MICAL3: variants seen among roughly 807,000 people sequenced by gnomAD.
MICAL3 encodes microtubule associated monooxygenase, calponin and LIM domain containing 3.
MICAL3 carries 62 observed loss-of-function variants against 207.4 expected under a neutral mutation model. The ratio of observed to expected loss-of-function variants is 0.30; its 90% CI spans 0.24 to 0.37. The LOEUF (loss-of-function observed/expected upper bound fraction) is 0.37, where lower values mean the gene tolerates loss of function less well. Among genes scored for constraint, MICAL3 ranks in the 10% least tolerant of loss-of-function variants. MICAL3 has a pLI of 1.00. For missense variants in MICAL3, 2,368 were observed against 2,635.6 expected (o/e 0.90, Z 2.22); for synonymous variants, 1,077 against 1,069.3 (o/e 1.01, Z -0.14).
chr22:17,935,620 A>C (rs988787257), intron 1 of MICAL3, among the ~76,000 whole-genome samples: 1 of 152,250 alleles, frequency 6.6e-6, no homozygotes, highest in Non-Finnish European at 1.5e-5. Flanking sequence ...AGGAAAAGAA[A>C]CTACCATCAG....
chr22:17,820,590 G>A (rs1169425625), intron 25 of MICAL3, among the ~76,000 whole-genome samples: 4 of 152,122 alleles, frequency 2.6e-5, no homozygotes, highest in African/African-American at 7.2e-5. Flanking sequence ...TCCTGACCTC[G>A]TGATCTGCCT....
intron 10 of MICAL3, among the ~76,000 whole-genome samples, chr22:17,894,739 G>A (rs926251532): frequency 1.3e-5 from 2 of 150,136 alleles, no homozygotes; most frequent in Non-Finnish European, 2.9e-5. Flanking sequence ...GGAGGCTGCA[G>A]TGAGCCAAGA....
chr22:17,817,629 C>A lies in MICAL3; in HGVS notation c.5032G>T (p.Asp1678Tyr). Reference protein sequence around the residue: ...TSEEVLSPPSDSGGPDGSFTS... With the variant: ...TSEEVLSPPSYSGGPDGSFTS... ...AAAGAGCCATCTGGGCCCCCTGAGT[C>A]CGACGGCGGGGAGAGGACCTCCTCG... Residue 1678 changes from aspartate to tyrosine, a missense_variant, in exon 26 of 32, where the codon GAC becomes TAC. Around this residue, in one of 4 missense-constraint regions of MICAL3, gnomAD observed 1,770 missense variants for 1,863.2 expected, o/e 0.95. Coordinates refer to ENST00000441493, the MANE Select transcript of MICAL3 (RefSeq NM_015241.3). The A allele has an allele frequency of 6.2e-7, 1 of 1,613,116 alleles. No homozygotes were observed. The highest frequency in any genetic ancestry group is 8.5e-7 in the Non-Finnish European group (1 of 1,179,852).
At chr22:17,950,181 G>A (rs570470884) in intron 1 of MICAL3, among the ~76,000 whole-genome samples, 1 of 126,810 alleles carries the variant, frequency 7.9e-6, no homozygotes, top group Non-Finnish European at 1.6e-5. Flanking sequence ...TTTTTTTGGA[G>A]ACAAGAGTCT....
chr22:17,899,397 G>A, intron 7 of MICAL3, 51 bp downstream of exon 7: 4 of 1,165,658 alleles, frequency 3.4e-6, no homozygotes, highest in South Asian at 1.3e-5. Flanking sequence ...TTCTCTTGGT[G>A]ATATTAACCA....
At chr22:17,921,220 C>G (rs1932793878) in intron 1 of MICAL3, among the ~76,000 whole-genome samples, 1 of 152,192 alleles carries the variant, frequency 6.6e-6, no homozygotes, top group East Asian at 1.9e-4. Flanking sequence ...TATGTTATCT[C>G]ATGTAAAAAG....
intron 1 of MICAL3, chr22:17,980,844 T>C (rs770274716): frequency 1.9e-6 from 1 of 516,632 alleles, no homozygotes; most frequent in East Asian, 5.6e-5. Context: ...TGCTGGCCCG[T>C]CACCCTCAGT....
intron 1 of MICAL3, among the ~76,000 whole-genome samples, chr22:17,992,531 G>A (rs1203388441): frequency 6.6e-6 from 1 of 152,104 alleles, no homozygotes; most frequent in East Asian, 1.9e-4. Context: ...TTACCACGTG[G>A]CACTTACATA....
At chr22:17,799,000 G>T (rs2061908929) in intron 29 of MICAL3, among the ~76,000 whole-genome samples, 1 of 152,158 alleles carries the variant, frequency 6.6e-6, no homozygotes, top group Non-Finnish European at 1.5e-5. Flanking sequence ...TTGAACTCCT[G>T]TCGGAGACAC....
At chr22:17,877,333 T>TGGAGGTTAGGGAGGTTAGGGAGGTTAG (rs1256770924) in intron 16 of MICAL3, among the ~76,000 whole-genome samples, 5 of 11,222 alleles carry the variant, frequency 4.5e-4, no homozygotes, top group Admixed American at 9.8e-4. Context: ...AGGGAGGTTA[T>TGGAGGTTAGGGAGGTTAGGGAGGTTAG]GGAGGTTAGG....
chr22:17,812,118 C>A (rs573093179), intron 27 of MICAL3, among the ~76,000 whole-genome samples: 2 of 152,192 alleles, frequency 1.3e-5, no homozygotes, highest in Non-Finnish European at 2.9e-5. Context: ...AATCTTCACT[C>A]GAAGAGCTCA....
intron 9 of MICAL3, among the ~76,000 whole-genome samples, chr22:17,896,013 A>G (rs558447180): frequency 5.3e-5 from 8 of 152,318 alleles, no homozygotes; most frequent in African/African-American, 1.9e-4. Context: ...CTTCTCTGTC[A>G]GTAAGAAATT....
intron 28 of MICAL3, 99 bp downstream of exon 28, chr22:17,810,604 C>A: frequency 1.0e-6 from 1 of 980,932 alleles, no homozygotes; most frequent in Non-Finnish European, 1.6e-6. Flanking sequence ...CTGCTCTGCT[C>A]TGCACTGTGC....
intron 26 of MICAL3, 97 bp from the exon 27 acceptor site, chr22:17,816,881 G>T (rs1459627439): frequency 1.1e-5 from 10 of 893,948 alleles, no homozygotes; most frequent in Admixed American, 6.5e-5. Flanking sequence ...GAGGCCGGGT[G>T]GGGGGCTGGA....
chr22:17,875,104 A>G (rs978113205), intron 16 of MICAL3: 4 of 160,794 alleles, frequency 2.5e-5, no homozygotes, highest in African/African-American at 9.6e-5. Flanking sequence ...TTTTTAACAC[A>G]TATTATTTTG....
chr22:17,903,272 C>T (rs1288867193), intron 3 of MICAL3, among the ~76,000 whole-genome samples: 1 of 152,238 alleles, frequency 6.6e-6, no homozygotes, highest in East Asian at 1.9e-4. Context: ...CATTCCCCCT[C>T]CCATTCCTGG....
chr22:17,801,148 CTTTTTTTTTTTT>C (rs978301664), intron 29 of MICAL3, among the ~76,000 whole-genome samples: 1 of 91,926 alleles, frequency 1.1e-5, no homozygotes, highest in Non-Finnish European at 2.0e-5. Context: ...TTTCCTTTTT[CTTTTTTTTTTTT>C]TTTTTTTTTT....
chr22:17,853,279 C>T (rs770226186), intron 19 of MICAL3, among the ~76,000 whole-genome samples: 19 of 152,132 alleles, frequency 1.2e-4, no homozygotes, highest in Non-Finnish European at 2.5e-4. Flanking sequence ...ACAGCTGGCA[C>T]GCAACGAAGG....
In MICAL3 at chr22:17,889,113, C is replaced by A. The variant is rs756945119; in HGVS notation, c.1812G>T (p.Val604=). 1.4e-5 allele frequency: 23 copies of A among 1,613,726 alleles called. No homozygotes were observed. Among genetic ancestry groups the A allele is most frequent in the East Asian group, 4.5e-5 (2 of 44,892 alleles). The change falls in exon 13 of 32, where the codon GTG becomes GTT. Residue 604 remains valine (V), a synonymous_variant. Transcript: ENST00000441493. ...CCATGGACAGCTTATCAGGCTCCCC[C>A]ACGGAGGCCATTTCTTTGCCTGTCA... The part of the protein sequence containing the change: ...PIMTGKEMAS[V]GEPDKLSMVM...
Sources: gnomAD v4.1 joint callset for allele counts (sites outside exome capture counted in the v4.1 genomes callset) on GRCh38, gnomAD v4.1.1 for gene constraint, gnomAD v4.1.1 regional missense constraint, MANE v1.5 for transcripts, NCBI Gene and HGNC (gene_info 2026-07-23, HGNC 2026-07-21) for gene names.